HOXD12: variants seen among roughly 807,000 people sequenced by gnomAD.
The protein encoded by HOXD12 is homeobox D12, also known as homeobox protein Hox-D12.
Under a neutral mutation model 20.2 loss-of-function variants are expected in HOXD12, and 21 were observed. The ratio of observed to expected loss-of-function variants is 1.04; its 90% CI spans 0.74 to 1.50. The LOEUF (loss-of-function observed/expected upper bound fraction) is 1.50, where lower values mean the gene tolerates loss of function less well. Among genes scored for constraint, HOXD12 ranks in the 40% most tolerant of loss-of-function variants. HOXD12 has a pLI of 0.00. For synonymous variants in HOXD12, 196 were observed against 168.8 expected (o/e 1.16, Z -1.25); for missense variants, 472 against 365.5 (o/e 1.29, Z -2.38).
Position 176,100,374 on chromosome 2 carries a change from C to A in HOXD12, c.573C>A (p.Asp191Glu), listed in dbSNP as rs200423501. 1.4e-4 allele frequency: 227 copies of A among 1,612,186 alleles called. No individual in the cohort carries two copies. Among genetic ancestry groups the A allele is most frequent in the Non-Finnish European group, 1.4e-4 (164 of 1,179,642 alleles). ...VASCLRPSLP[D>E]GLPWGAAPGR... ...CTTGCCTGCGACCTTCACTGCCCGACGGTAAACGGTGCCCATGCTCCCCGG... is the reference window on the plus strand; with the variant it reads ...CTTGCCTGCGACCTTCACTGCCCGAAGGTAAACGGTGCCCATGCTCCCCGG... The change falls in exon 1 of 2, where the codon GAC becomes GAA. Residue 191 changes from aspartate to glutamate, a missense_variant and splice_region_variant. Transcript: ENST00000406506.
rs1689509487 is a variant in HOXD12, at chr2:176,102,283, C to T, written c.*1523C>T. On this transcript the variant is annotated 3_prime_UTR_variant, in exon 2 of 2. Coordinates refer to ENST00000406506, the MANE Select transcript of HOXD12 (RefSeq NM_021193.4). ...TTTCTTTTCAGTGCAGGACCTGGCC[C>T]TAAATCTGGAGTGGGCCCCTCACAG... Among the ~76,000 whole-genome samples, 1 of 152,192 alleles carries T rather than the reference C, an allele frequency of 6.6e-6. No homozygotes were observed. Among genetic ancestry groups the T allele is most frequent in the African/African-American group, 2.4e-5 (1 of 41,440 alleles).
chr2:176,101,576 G>A lies in HOXD12; in HGVS notation c.*816G>A, dbSNP rs1443177749. On this transcript the variant is annotated 3_prime_UTR_variant, in exon 2 of 2. Coordinates refer to ENST00000406506, the MANE Select transcript of HOXD12 (RefSeq NM_021193.4). ...ACTCCCACCTTCTCAAACATGCCTA[G>A]GCCAGGCCTATGAACCCTGTAACTG... 6.6e-6 allele frequency among the ~76,000 whole-genome samples: 1 copy of A among 152,140 alleles called. No individual in the cohort carries two copies. The highest frequency in any genetic ancestry group is 1.5e-5 in the Non-Finnish European group (1 of 68,020).
rs769477079 is a variant in HOXD12 at position 176,100,554 on chromosome 2, C to T, written c.607C>T (p.Arg203Cys). ...LPWGAAPGRA[R>C]KKRKPYTKQQ... ...GTGGGGGGCGGCCCCGGGGAGGGCC[C>T]GCAAGAAGCGGAAACCCTACACGAA... Residue 203 changes from arginine to cysteine, a missense_variant, in exon 2 of 2, where the codon CGC (arginine) becomes TGC (cysteine). Arg to Cys is a radical substitution (Grantham distance 180). Coordinates refer to ENST00000406506, the MANE Select transcript of HOXD12 (RefSeq NM_021193.4). The T allele has an allele frequency of 1.2e-6, 2 of 1,609,828 alleles. No homozygotes were observed. Among genetic ancestry groups the T allele is most frequent in the South Asian group, 1.1e-5 (1 of 90,446 alleles).
At chr2:176,100,492 G>A (rs1201326518) in intron 1 of HOXD12, 30 bp from the exon 2 acceptor site, 1 of 1,586,682 alleles carries the variant, frequency 6.3e-7, no homozygotes, top group South Asian at 1.1e-5. Context: ...AGTACGGGCT[G>A]GGTTGACGTG....
chr2:176,100,335 G>A lies in HOXD12; in HGVS notation c.534G>A (p.Ala178=), dbSNP rs1689475880. 1 of 1,612,648 alleles carries A rather than the reference G, an allele frequency of 6.2e-7. No individual in the cohort carries two copies. The highest frequency in any genetic ancestry group is 8.5e-7 in the Non-Finnish European group (1 of 1,179,840). Residue 178 remains alanine (A), a synonymous_variant, in exon 1 of 2, where the codon GCG becomes GCA. Coordinates refer to ENST00000406506, the MANE Select transcript of HOXD12 (RefSeq NM_021193.4). The stretch of plus-strand genomic sequence containing the variant: ...TCAACTTGAACATGACAGTGCAGGC[G>A]GCGGGCGTTGCCTCTTGCCTGCGAC... ...GPLNLNMTVQ[A]AGVASCLRPS... is the part of the protein sequence containing the mutation.
Position 176,101,127 on chromosome 2 carries a change from C to G in HOXD12, c.*367C>G. On this transcript the variant is annotated 3_prime_UTR_variant, in exon 2 of 2. Coordinates refer to ENST00000406506, the MANE Select transcript of HOXD12 (RefSeq NM_021193.4). ...ATTCGTTCTCCCTTTCCCCCTCTCT[C>G]CAGCCCCTTCAGCGTATAGCAGTCG... 2.9e-6 allele frequency: 1 copy of G among 344,886 alleles called. No individual in the cohort carries two copies. 21.4% of individuals were successfully genotyped at this position (344,886 alleles called of 1,614,324 possible). A position where few individuals can be genotyped will look rare whatever the true frequency, so the allele number is the denominator to read the frequency against.
At position 176,102,218 on chromosome 2, in the gene HOXD12, AC is replaced by A. The variant is rs1319471798; in HGVS notation, c.*1459del. On this transcript the variant is annotated 3_prime_UTR_variant, in exon 2 of 2. Coordinates refer to ENST00000406506, the MANE Select transcript of HOXD12 (RefSeq NM_021193.4). ...TTCGCAATTCCTAGCATGATGCACA[AC>A]AACTCAAGGATTCAGGATTCCTTCC... 6.6e-6 allele frequency among the ~76,000 whole-genome samples: 1 copy of A among 152,208 alleles called. No homozygotes were observed. The highest frequency in any genetic ancestry group is 1.5e-5 in the Non-Finnish European group (1 of 68,030).
In HOXD12 at chr2:176,101,123, C is replaced by G; in HGVS notation, c.*363C>G. The stretch of plus-strand genomic sequence containing the variant: ...CCCAATTCGTTCTCCCTTTCCCCCT[C>G]TCTCCAGCCCCTTCAGCGTATAGCA... On this transcript the variant is annotated 3_prime_UTR_variant, in exon 2 of 2. Transcript: ENST00000406506. 2.8e-6 allele frequency: 1 copy of G among 350,984 alleles called. No homozygotes were observed. Among genetic ancestry groups the G allele is most frequent in the Non-Finnish European group, 5.3e-6 (1 of 189,146 alleles). The allele number at this position is 350,984 out of a possible 1,614,324, so 21.7% of individuals were successfully genotyped here.
At position 176,099,978 on chromosome 2, in the gene HOXD12, C is replaced by G; in HGVS notation, c.177C>G (p.Ala59=). 1 of 1,590,350 alleles carries G rather than the reference C, an allele frequency of 6.3e-7. No homozygotes were observed. The highest frequency in any genetic ancestry group is 8.6e-7 in the Non-Finnish European group (1 of 1,168,772). The change falls in exon 1 of 2, where the codon GCC becomes GCG. Residue 59 remains alanine, a synonymous_variant. Coordinates refer to ENST00000406506, the MANE Select transcript of HOXD12 (RefSeq NM_021193.4). The part of the protein sequence containing the change: ...LPWAATPASC[A]PAQPAGATAF... ...GGGCCGCCACGCCCGCCTCCTGCGC[C>G]CCCGCGCAGCCTGCGGGCGCCACTG...
intron 1 of HOXD12, 63 bp from the exon 2 acceptor site, chr2:176,100,458 CG>C (rs1559111145): frequency 1.9e-6 from 3 of 1,589,384 alleles, no homozygotes; most frequent in East Asian, 2.3e-5. Flanking sequence ...GGAGGTGAAC[CG>C]CCTGGGGGCG....
Position 176,101,751 on chromosome 2 carries a change from G to A in HOXD12, c.*991G>A, listed in dbSNP as rs1378234013. Among the ~76,000 whole-genome samples, 2 of 152,194 alleles carry A rather than the reference G, an allele frequency of 1.3e-5. No homozygotes were observed. Among genetic ancestry groups the A allele is most frequent in the African/African-American group, 4.8e-5 (2 of 41,440 alleles). On this transcript the variant is annotated 3_prime_UTR_variant, in exon 2 of 2. Transcript: ENST00000406506. ...CTCCAACTGTAAATATGGCTTTCCA[G>A]TTGAGGTGAGTAAAGGTGTTGGTGC...
At position 176,099,984 on chromosome 2, in the gene HOXD12, G is replaced by A; in HGVS notation, c.183G>A (p.Ala61=). ...WAATPASCAP[A]QPAGATAFGG... Reference sequence around the variant, plus strand: ...CCACGCCCGCCTCCTGCGCCCCCGCGCAGCCTGCGGGCGCCACTGCCTTCG... The same window carrying A: ...CCACGCCCGCCTCCTGCGCCCCCGCACAGCCTGCGGGCGCCACTGCCTTCG... Residue 61 remains alanine (A), a synonymous_variant, in exon 1 of 2, where the codon GCG becomes GCA. Transcript: ENST00000406506. 1 of 1,572,744 alleles carries A rather than the reference G, an allele frequency of 6.4e-7. No homozygotes were observed. Among genetic ancestry groups the A allele is most frequent in the African/African-American group, 1.4e-5 (1 of 73,988 alleles).
Position 176,100,367 on chromosome 2 carries a change from T to A in HOXD12, c.566T>A (p.Leu189Gln). 1.2e-6 allele frequency: 2 copies of A among 1,612,412 alleles called. No homozygotes were observed. Among genetic ancestry groups the A allele is most frequent in the Non-Finnish European group, 1.7e-6 (2 of 1,179,720 alleles). ...GTTGCCTCTTGCCTGCGACCTTCAC[T>A]GCCCGACGGTAAACGGTGCCCATGC... ...AGVASCLRPS[L>Q]PDGLPWGAAP... Residue 189 changes from leucine to glutamine, a missense_variant, in exon 1 of 2, where the codon CTG becomes CAG. By Grantham distance (113) the Leu-to-Gln change is moderately radical (BLOSUM62 -2). Transcript: ENST00000406506.
Position 176,099,951 on chromosome 2 carries a change from C to G in HOXD12, c.150C>G (p.Pro50=). Reference sequence around the variant, plus strand: ...TCTCCTACCCGCGCGGCGCGCTGCCCTGGGCCGCCACGCCCGCCTCCTGCG... The same window carrying G: ...TCTCCTACCCGCGCGGCGCGCTGCCGTGGGCCGCCACGCCCGCCTCCTGCG... ...PPISYPRGAL[P]WAATPASCAP... Residue 50 remains proline (P), a synonymous_variant, in exon 1 of 2, where the codon CCC becomes CCG. Coordinates refer to ENST00000406506, the MANE Select transcript of HOXD12 (RefSeq NM_021193.4). 6.2e-6 allele frequency: 10 copies of G among 1,601,356 alleles called. No individual in the cohort carries two copies. The highest frequency in any genetic ancestry group is 8.5e-6 in the Non-Finnish European group (10 of 1,175,338).
rs1377883278 is a variant in HOXD12 at position 176,102,212 on chromosome 2, T to C, written c.*1452T>C. Among the ~76,000 whole-genome samples the C allele has an allele frequency of 6.6e-6, 1 of 152,242 alleles. No homozygotes were observed. Among genetic ancestry groups the C allele is most frequent in the African/African-American group, 2.4e-5 (1 of 41,452 alleles). ...TCCTCCTTCGCAATTCCTAGCATGATGCACAACAACTCAAGGATTCAGGAT... is the reference window on the plus strand; with the variant it reads ...TCCTCCTTCGCAATTCCTAGCATGACGCACAACAACTCAAGGATTCAGGAT... On this transcript the variant is annotated 3_prime_UTR_variant, in exon 2 of 2. Coordinates refer to ENST00000406506, the MANE Select transcript of HOXD12 (RefSeq NM_021193.4).
chr2:176,099,878 T>C lies in HOXD12; in HGVS notation c.77T>C (p.Phe26Ser). ...LNLQSPDSFY[F>S]SNLRPNGGQL... ...CTGCAGTCGCCAGACTCTTTCTACT[T>C]CTCCAACCTGAGGCCGAATGGCGGC... Residue 26 changes from phenylalanine (F) to serine (S), a missense_variant, in exon 1 of 2, where the codon TTC (phenylalanine) becomes TCC (serine). Phe to Ser is a radical substitution (Grantham distance 155, BLOSUM62 -2). Coordinates refer to ENST00000406506, the MANE Select transcript of HOXD12 (RefSeq NM_021193.4). The C allele has an allele frequency of 6.3e-7, 1 of 1,591,918 alleles. No homozygotes were observed. Among genetic ancestry groups the C allele is most frequent in the Non-Finnish European group, 8.5e-7 (1 of 1,171,962 alleles).
chr2:176,101,067 G>C lies in HOXD12; in HGVS notation c.*307G>C, dbSNP rs535322779. 3.6e-4 allele frequency: 173 copies of C among 481,594 alleles called. 2 individuals carry two copies. The highest frequency in any genetic ancestry group is 3.0e-3 in the African/African-American group (154 of 51,540). 29.8% of individuals were successfully genotyped at this position (481,594 alleles called of 1,614,324 possible). On this transcript the variant is annotated 3_prime_UTR_variant, in exon 2 of 2. Coordinates refer to ENST00000406506, the MANE Select transcript of HOXD12 (RefSeq NM_021193.4). ...GCATTTGCACCCACCGCTCATTCTT[G>C]CTCCCCGGTACCTGGATTTTTCTGT...
rs1689507553 is a variant in HOXD12, at chr2:176,102,150, C to T, written c.*1390C>T. On this transcript the variant is annotated 3_prime_UTR_variant, in exon 2 of 2. Coordinates refer to ENST00000406506, the MANE Select transcript of HOXD12 (RefSeq NM_021193.4). ...CCCCCTGCGAGCTCATTCCACTATC[C>T]CTGCCTCTTCTCCCCTCTCCTTCTG... Among the ~76,000 whole-genome samples the T allele has an allele frequency of 7.9e-6, 1 of 126,102 alleles. No homozygotes were observed. Among genetic ancestry groups the T allele is most frequent in the Non-Finnish European group, 1.6e-5 (1 of 60,764 alleles). The allele number at this position is 126,102 out of a possible 152,430, so 82.7% of individuals were successfully genotyped here.
chr2:176,100,531 G>T lies in HOXD12; in HGVS notation c.584G>T (p.Trp195Leu), dbSNP rs746489417. The T allele has an allele frequency of 1.7e-5, 28 of 1,603,494 alleles. No homozygotes were observed. The highest frequency in any genetic ancestry group is 2.7e-5 in the African/African-American group (2 of 74,792). Reference sequence around the variant, plus strand: ...TGGGGCTGTGTTGCAGGCCTGCCGTGGGGGGCGGCCCCGGGGAGGGCCCGC... The same window carrying T: ...TGGGGCTGTGTTGCAGGCCTGCCGTTGGGGGCGGCCCCGGGGAGGGCCCGC... ...LRPSLPDGLPWGAAPGRARKK... is the reference protein window; with the variant it reads ...LRPSLPDGLPLGAAPGRARKK... Residue 195 changes from tryptophan (W) to leucine (L), a missense_variant, in exon 2 of 2, where the codon TGG (tryptophan) becomes TTG (leucine). By Grantham distance (61) the Trp-to-Leu change is moderately conservative. Transcript: ENST00000406506.
Sources: gnomAD v4.1 joint callset for allele counts (sites outside exome capture counted in the v4.1 genomes callset) on GRCh38, gnomAD v4.1.1 for gene constraint, MANE v1.5 for transcripts, NCBI Gene and HGNC (gene_info 2026-07-23, HGNC 2026-07-21) for gene names.